OSBPL10: variants seen among roughly 807,000 people sequenced by gnomAD.
OSBPL10 encodes the protein oxysterol-binding protein-related protein 10.
A neutral mutation model predicts 81.7 loss-of-function variants in OSBPL10; 49 were observed. The observed-to-expected ratio is 0.60, with a 90% CI of 0.48 to 0.76. OSBPL10 has a LOEUF of 0.76. Among genes scored for constraint, OSBPL10 ranks in the 30% least tolerant of loss-of-function variants. OSBPL10 has a pLI of 0.00. For missense variants in OSBPL10, 923 were observed against 987.8 expected (o/e 0.93, Z 0.88); for synonymous variants, 419 against 383.6 (o/e 1.09, Z -1.08).
intron 2 of OSBPL10, among the ~76,000 whole-genome samples, chr3:32,001,193 A>G (rs1186098710): frequency 1.3e-5 from 2 of 152,090 alleles, no homozygotes; most frequent in Non-Finnish European, 2.9e-5. Flanking sequence ...TGTGCTTGCA[A>G]CCAAGCAGCG....
At chr3:31,971,038 A>G (rs1381008582) in intron 1 of OSBPL10, among the ~76,000 whole-genome samples, 1 of 151,398 alleles carries the variant, frequency 6.6e-6, no homozygotes, top group African/African-American at 2.4e-5. Flanking sequence ...CAAGTGGAGC[A>G]GCTGCTCCCA....
At chr3:32,046,328 T>A (rs920749814) in intron 2 of OSBPL10, among the ~76,000 whole-genome samples, 1 of 152,220 alleles carries the variant, frequency 6.6e-6, no homozygotes, top group Non-Finnish European at 1.5e-5. Flanking sequence ...GTCCTGGTTG[T>A]CTCCCATCTA....
chr3:31,762,695 C>CA (rs1698086589), intron 4 of OSBPL10, among the ~76,000 whole-genome samples: 2 of 138,948 alleles, frequency 1.4e-5, no homozygotes, highest in South Asian at 4.6e-4. Context: ...TGTCAAGCTC[C>CA]TGAGCTCGAG....
At chr3:31,837,878 C>T (rs1397384888) in intron 3 of OSBPL10, among the ~76,000 whole-genome samples, 3 of 151,516 alleles carry the variant, frequency 2.0e-5, no homozygotes, top group Non-Finnish European at 4.4e-5. Context: ...GAAATCAATG[C>T]AGAATTGAGA....
intron 1 of OSBPL10, among the ~76,000 whole-genome samples, chr3:31,952,133 T>C (rs920878177): frequency 1.3e-5 from 2 of 151,836 alleles, no homozygotes; most frequent in African/African-American, 4.9e-5. Context: ...TTGGAATTTA[T>C]AGAAAACCTA....
chr3:31,662,113 C>T lies in OSBPL10; in HGVS notation c.2254G>A (p.Asp752Asn), dbSNP rs373889609. 4.3e-6 allele frequency: 7 copies of T among 1,613,948 alleles called. No homozygotes were observed. Among genetic ancestry groups the T allele is most frequent in the African/African-American group, 1.3e-5 (1 of 74,912 alleles). Residue 752 changes from aspartate to asparagine, a missense_variant, in exon 12 of 12, where the codon GAT becomes AAT. Asp to Asn is a conservative substitution (Grantham distance 23). Coordinates refer to ENST00000396556, the MANE Select transcript of OSBPL10 (RefSeq NM_017784.5). ...AGGGGATTGAAGTATACCCAGCCATCGCCCTGCAAGAGAAGAAAGGAGGCA... is the reference window on the plus strand; with the variant it reads ...AGGGGATTGAAGTATACCCAGCCATTGCCCTGCAAGAGAAGAAAGGAGGCA... ...WKPKYFIQEG[D>N]GWVYFNPLWK... is the part of the protein sequence containing the mutation.
At chr3:31,941,866 A>G (rs994549616) in intron 1 of OSBPL10, among the ~76,000 whole-genome samples, 1 of 152,220 alleles carries the variant, frequency 6.6e-6, no homozygotes, top group African/African-American at 2.4e-5. Flanking sequence ...TGCTAGCTGT[A>G]TTTCTTCAAG....
At chr3:31,979,711 GA>G (rs56355946) in intron 1 of OSBPL10, among the ~76,000 whole-genome samples, 18 of 144,576 alleles carry the variant, frequency 1.2e-4, no homozygotes, top group South Asian at 2.2e-4. Flanking sequence ...AAAACAAATT[GA>G]AAAAAAAAAC....
chr3:31,942,428 A>AAGT (rs1388456105), intron 1 of OSBPL10, among the ~76,000 whole-genome samples: 3 of 151,694 alleles, frequency 2.0e-5, no homozygotes, highest in African/African-American at 4.9e-5. Flanking sequence ...TCCCAGCTAC[A>AAGT]AGAGGCTGAG....
intron 2 of OSBPL10, among the ~76,000 whole-genome samples, chr3:32,010,008 G>A (rs1699237898): frequency 6.6e-6 from 1 of 152,194 alleles, no homozygotes; most frequent in Non-Finnish European, 1.5e-5. Flanking sequence ...TTTGGAGACA[G>A]GATCTTTGCA....
chr3:31,926,289 G>GCCCCCCCCCCCCCCCCC (rs36122261), intron 1 of OSBPL10, among the ~76,000 whole-genome samples: 1 of 130,194 alleles, frequency 7.7e-6, no homozygotes, highest in African/African-American at 3.1e-5. Flanking sequence ...GGGTGATTTT[G>GCCCCCCCCCCCCCCCCC]CCCCCCCAGA....
intron 4 of OSBPL10, among the ~76,000 whole-genome samples, chr3:31,799,378 TTAAAAAA>T (rs1445225877): frequency 3.7e-5 from 1 of 26,908 alleles, no homozygotes; most frequent in African/African-American, 8.8e-5. Context: ...CCCTATCTCT[TTAAAAAA>T]AAAAAAAAAA....
intron 2 of OSBPL10, chr3:31,988,926 C>T (rs1025906523): frequency 1.4e-5 from 14 of 1,006,582 alleles, no homozygotes; most frequent in East Asian, 5.2e-5. Flanking sequence ...CTCCAAACCC[C>T]GACCCACAGC....
intron 4 of OSBPL10, among the ~76,000 whole-genome samples, chr3:31,814,240 GAGCACATACGAC>G (rs1163911237): frequency 6.6e-6 from 1 of 152,198 alleles, no homozygotes; most frequent in Non-Finnish European, 1.5e-5. Flanking sequence ...CAAGAGCTTG[GAGCACATACGAC>G]AGCTCATTGT....
At chr3:31,950,652 G>T (rs1697840917) in intron 1 of OSBPL10, among the ~76,000 whole-genome samples, 1 of 152,174 alleles carries the variant, frequency 6.6e-6, no homozygotes, top group African/African-American at 2.4e-5. Context: ...CCCCAATGTT[G>T]GAGGTGGAGC....
chr3:31,905,345 A>ATTTTTTTTTTTTTTTT (rs386396290), intron 1 of OSBPL10, among the ~76,000 whole-genome samples: 8 of 94,818 alleles, frequency 8.4e-5, no homozygotes, highest in African/African-American at 1.4e-4. Flanking sequence ...GAACCTGGTG[A>ATTTTTTTTTTTTTTTT]TTTTTTTTTT....
intron 1 of OSBPL10, among the ~76,000 whole-genome samples, chr3:31,887,829 T>A (rs1695779489): frequency 2.6e-5 from 4 of 152,180 alleles, no homozygotes; most frequent in Admixed American, 2.6e-4. Context: ...TCTTAACTCT[T>A]GGAATTTGTG....
At position 31,997,965 on chromosome 3, in the gene OSBPL10, TA is replaced by T. The variant is rs532037090; in HGVS notation, n.298+48525del. 6.6e-5 allele frequency among the ~76,000 whole-genome samples: 10 copies of T among 152,218 alleles called. No homozygotes were observed. In the South Asian group the frequency reaches 2.1e-3, roughly 32 times the overall value. The stretch of plus-strand genomic sequence containing the variant: ...CCACCGTGCCCAGCTAATTTTGTTT[TA>T]TTTTTTTGTAGAGACTGGGTCCCAC... On this transcript the variant is annotated intron_variant and non_coding_transcript_variant, in intron 2 of 3. Transcript: ENST00000479173.
At chr3:31,679,332 C>T (rs1233909707) in intron 8 of OSBPL10, among the ~76,000 whole-genome samples, 3 of 152,186 alleles carry the variant, frequency 2.0e-5, no homozygotes, top group Admixed American at 6.5e-5. Flanking sequence ...GAGGACTTCA[C>T]GCACATGTCT....
Sources: gnomAD v4.1 joint callset for allele counts (sites outside exome capture counted in the v4.1 genomes callset) on GRCh38, gnomAD v4.1.1 for gene constraint, MANE v1.5 for transcripts, NCBI Gene and HGNC (gene_info 2026-07-23, HGNC 2026-07-21) for gene names.